DAB1: variants seen among roughly 807,000 people sequenced by gnomAD.
The protein encoded by DAB1 is disabled homolog 1.
DAB1 carries 15 observed loss-of-function variants against 64.6 expected under a neutral mutation model. The ratio of observed to expected loss-of-function variants is 0.23; its 90% CI spans 0.16 to 0.36. The LOEUF (loss-of-function observed/expected upper bound fraction) is 0.36. DAB1 is among the 10% of genes least tolerant of loss of function. The pLI is 1.00. For synonymous variants in DAB1, 235 were observed against 251.9 expected (o/e 0.93, Z 0.64); for missense variants, 596 against 706.7 (o/e 0.84, Z 1.78).
intron 7 of DAB1, among the ~76,000 whole-genome samples, chr1:57,604,422 G>T (rs997295556): frequency 6.9e-6 from 1 of 145,486 alleles, no homozygotes; most frequent in African/African-American, 2.5e-5. Flanking sequence ...AAAAAAAAAA[G>T]AGGAAGCCCA....
chr1:58,508,847 C>T (rs938690826), intron 2 of DAB1, among the ~76,000 whole-genome samples: 6 of 151,946 alleles, frequency 3.9e-5, no homozygotes, highest in African/African-American at 1.5e-4. Flanking sequence ...GGGCAGGGCT[C>T]GGGAAAGAGG....
chr1:57,980,555 T>G (rs1484190576), intron 5 of DAB1, among the ~76,000 whole-genome samples: 2 of 152,144 alleles, frequency 1.3e-5, no homozygotes, highest in East Asian at 3.9e-4. Flanking sequence ...CCCTATCCCA[T>G]GTTGCTTCTC....
intron 1 of DAB1, among the ~76,000 whole-genome samples, chr1:58,545,569 T>C (rs968829342): frequency 6.6e-6 from 1 of 152,034 alleles, no homozygotes; most frequent in Admixed American, 6.5e-5. Flanking sequence ...TCAACAAACA[T>C]AGCTGGCAGA....
rs534662079 is a variant in DAB1, at chr1:57,241,983, A to G, written c.67+48981T>C. Among the ~76,000 whole-genome samples the G allele has an allele frequency of 1.5e-3, 231 of 152,278 alleles. 1 individual carries two copies. The highest frequency in any genetic ancestry group is 5.3e-3 in the African/African-American group (219 of 41,556). On this transcript the variant is annotated intron_variant, in intron 2 of 14. Coordinates refer to ENST00000371236, the MANE Select transcript of DAB1 (RefSeq NM_001365792.1). ...CAGTCAAGTCATTTCCCCCATTCCT[A>G]TATTTCTCAATCTTATATTAAAGAC...
At chr1:57,445,101 A>C (rs1339529809) in intron 7 of DAB1, among the ~76,000 whole-genome samples, 1 of 152,206 alleles carries the variant, frequency 6.6e-6, no homozygotes, top group Non-Finnish European at 1.5e-5. Context: ...AAAAATAAGC[A>C]TTTAAAAATG....
At chr1:58,127,444 G>C (rs548760575) in intron 5 of DAB1, among the ~76,000 whole-genome samples, 160 of 150,700 alleles carry the variant, frequency 1.1e-3, no homozygotes, top group African/African-American at 3.6e-3. Flanking sequence ...CTTTTGCTGT[G>C]CAGAAGCTCT....
At chr1:57,489,465 G>A (rs1384573139) in intron 7 of DAB1, among the ~76,000 whole-genome samples, 1 of 152,110 alleles carries the variant, frequency 6.6e-6, no homozygotes, top group East Asian at 1.9e-4. Context: ...CTTTAAAACT[G>A]TCTTCAAAAG....
chr1:58,473,927 A>G, intron 3 of DAB1: 1 of 1,203,364 alleles, frequency 8.3e-7, no homozygotes, highest in Non-Finnish European at 1.1e-6. Flanking sequence ...TTAACTCTGC[A>G]ATCTGTTCTG....
At chr1:57,842,271 T>C (rs566019286) in intron 1 of DAB1, among the ~76,000 whole-genome samples, 51 of 152,328 alleles carry the variant, frequency 3.3e-4, no homozygotes, top group Non-Finnish European at 3.7e-4. Context: ...CAGCCTGGAC[T>C]TCATTATCCA....
chr1:58,265,574 AT>A (rs980694483), intron 4 of DAB1, among the ~76,000 whole-genome samples: 4 of 152,116 alleles, frequency 2.6e-5, no homozygotes, highest in Admixed American at 6.6e-5. Flanking sequence ...CAAACCAGCA[AT>A]TTTTTTTCAT....
intron 7 of DAB1, among the ~76,000 whole-genome samples, chr1:57,626,288 A>C (rs145373732): frequency 9.8e-4 from 149 of 152,324 alleles, no homozygotes; most frequent in African/African-American, 3.2e-3. Context: ...CAGGAACACC[A>C]GGGCAGTGCA....
intron 1 of DAB1, among the ~76,000 whole-genome samples, chr1:57,834,640 T>C (rs780393196): frequency 1.3e-5 from 2 of 151,680 alleles, no homozygotes; most frequent in Non-Finnish European, 1.5e-5. Context: ...CAGTTTTATA[T>C]ATATATAAAA....
intron 4 of DAB1, among the ~76,000 whole-genome samples, chr1:58,218,822 A>G (rs1394148449): frequency 2.0e-5 from 3 of 152,148 alleles, no homozygotes; most frequent in South Asian, 2.1e-4. Context: ...CATTTCCCCA[A>G]CTTCCTGAGA....
At chr1:57,342,971 A>C (rs1051451108) in intron 1 of DAB1, among the ~76,000 whole-genome samples, 4 of 152,166 alleles carry the variant, frequency 2.6e-5, no homozygotes, top group African/African-American at 4.8e-5. Context: ...CAAAGCTTCC[A>C]CAGCTCAGAA....
chr1:57,481,029 T>C (rs1049958984), intron 7 of DAB1, among the ~76,000 whole-genome samples: 1 of 152,220 alleles, frequency 6.6e-6, no homozygotes, highest in African/African-American at 2.4e-5. Context: ...CGAGAACTTA[T>C]GACTGACAAA....
intron 9 of DAB1, among the ~76,000 whole-genome samples, chr1:57,054,042 T>C (rs568180639): frequency 4.0e-4 from 61 of 152,254 alleles, no homozygotes; most frequent in Non-Finnish European, 6.6e-4. Context: ...TGACTGGTTA[T>C]TACTGATAAT....
chr1:57,112,857 C>G (rs1239209059), intron 4 of DAB1, among the ~76,000 whole-genome samples: 2 of 151,810 alleles, frequency 1.3e-5, no homozygotes, highest in African/African-American at 4.8e-5. Context: ...TGAAAAGAAA[C>G]AGTTTCCAAG....
chr1:58,197,740 C>G (rs1416444350), intron 4 of DAB1, among the ~76,000 whole-genome samples: 1 of 140,896 alleles, frequency 7.1e-6, no homozygotes, highest in East Asian at 2.0e-4. Flanking sequence ...ATAGAACATA[C>G]AAGAAAAGCA....
chr1:58,241,113 T>C (rs917940946), intron 4 of DAB1, among the ~76,000 whole-genome samples: 3 of 152,304 alleles, frequency 2.0e-5, no homozygotes, highest in Non-Finnish European at 4.4e-5. Flanking sequence ...AAATAGTCCT[T>C]AAGAATATTC....
Sources: gnomAD v4.1 joint callset for allele counts (sites outside exome capture counted in the v4.1 genomes callset) on GRCh38, gnomAD v4.1.1 for gene constraint, MANE v1.5 for transcripts, NCBI Gene and HGNC (gene_info 2026-07-23, HGNC 2026-07-21) for gene names.